KCND3: variants seen among roughly 807,000 people sequenced by gnomAD.
KCND3 encodes the protein A-type voltage-gated potassium channel KCND3.
Under a neutral mutation model 51.1 loss-of-function variants are expected in KCND3, and 9 were observed. The observed-to-expected ratio is 0.18, with a 90% CI of 0.11 to 0.31. The LOEUF (loss-of-function observed/expected upper bound fraction) is 0.31. Ranked by LOEUF, KCND3 falls within the 10% of genes least tolerant of loss-of-function variation. The pLI is 1.00. For synonymous variants in KCND3, 349 were observed against 368.0 expected, an observed-to-expected ratio of 0.95 and a Z score of 0.59; for missense variants, 526 against 903.8, an observed-to-expected ratio of 0.58 and a Z score of 5.36.
intron 2 of KCND3, among the ~76,000 whole-genome samples, chr1:111,798,041 T>C (rs988999578): frequency 6.6e-6 from 1 of 152,182 alleles, no homozygotes; most frequent in South Asian, 2.1e-4. Context: ...TAGGTACTTA[T>C]TGTACCTATT....
chr1:111,810,572 T>C (rs534654384), intron 2 of KCND3, among the ~76,000 whole-genome samples: 2 of 152,332 alleles, frequency 1.3e-5, no homozygotes, highest in African/African-American at 4.8e-5. Context: ...TGAGAATCTA[T>C]AGCCAATTAG....
At chr1:111,923,298 C>A (rs938693117) in intron 2 of KCND3, among the ~76,000 whole-genome samples, 4 of 152,144 alleles carry the variant, frequency 2.6e-5, no homozygotes, top group Non-Finnish European at 2.9e-5. Context: ...TCAGACACGA[C>A]CAGAGGTGGT....
chr1:111,863,947 G>C (rs1224485213), intron 2 of KCND3, among the ~76,000 whole-genome samples: 1 of 152,116 alleles, frequency 6.6e-6, no homozygotes, highest in Non-Finnish European at 1.5e-5. Flanking sequence ...GGCTAGACTT[G>C]ATGATGATTG....
intron 2 of KCND3, among the ~76,000 whole-genome samples, chr1:111,849,478 C>A (rs1389289577): frequency 6.6e-6 from 1 of 152,248 alleles, no homozygotes; most frequent in Non-Finnish European, 1.5e-5. Flanking sequence ...GAAAGGAACA[C>A]CTGTGGCTTC....
chr1:111,961,978 A>G (rs936593686), intron 2 of KCND3, among the ~76,000 whole-genome samples: 4 of 152,086 alleles, frequency 2.6e-5, no homozygotes, highest in Non-Finnish European at 4.4e-5. Context: ...CTGGCACGCC[A>G]TCTGGTATTC....
intron 2 of KCND3, among the ~76,000 whole-genome samples, chr1:111,916,291 T>C (rs1430270422): frequency 6.6e-6 from 1 of 152,132 alleles, no homozygotes; most frequent in Non-Finnish European, 1.5e-5. Flanking sequence ...CCTCAAATAT[T>C]AGAAGATTAA....
At chr1:111,814,488 G>T (rs142024793) in intron 2 of KCND3, among the ~76,000 whole-genome samples, 4 of 152,344 alleles carry the variant, frequency 2.6e-5, no homozygotes, top group Non-Finnish European at 5.9e-5. Flanking sequence ...GAACTGTGTC[G>T]ACATAACTTA....
Position 111,850,505 on chromosome 1 carries a change from T to G in KCND3, c.1107-63399A>C, listed in dbSNP as rs968079255. ...TTTCCTTGTGAACAATATAGGGATA[T>G]TTGATGAAGGGGTCTCATCACAATC... is the stretch of plus-strand genomic sequence containing the variant. On this transcript the variant is annotated intron_variant, in intron 2 of 7. Coordinates refer to ENST00000302127, the MANE Select transcript of KCND3 (RefSeq NM_001378969.1). 3.9e-5 allele frequency among the ~76,000 whole-genome samples: 6 copies of G among 152,168 alleles called. No homozygotes were observed. The East Asian group carries it at 5.8e-4, about 15-fold the overall frequency.
intron 2 of KCND3, among the ~76,000 whole-genome samples, chr1:111,844,517 C>T (rs1667464780): frequency 6.6e-6 from 1 of 152,124 alleles, no homozygotes; most frequent in Non-Finnish European, 1.5e-5. Flanking sequence ...GCCCCAGGAT[C>T]CACGGGGACC....
At chr1:111,902,753 T>C (rs892520588) in intron 2 of KCND3, among the ~76,000 whole-genome samples, 6 of 152,182 alleles carry the variant, frequency 3.9e-5, no homozygotes, top group African/African-American at 1.4e-4. Flanking sequence ...AATATCTACC[T>C]TGAGGTTGTT....
chr1:111,977,349 C>T (rs989190233), intron 2 of KCND3, among the ~76,000 whole-genome samples: 2 of 152,210 alleles, frequency 1.3e-5, no homozygotes, highest in African/African-American at 4.8e-5. Context: ...TTAGTCTCCT[C>T]GCCTCTTCGA....
intron 2 of KCND3, among the ~76,000 whole-genome samples, chr1:111,930,834 C>T (rs149683661): frequency 2.6e-5 from 4 of 152,318 alleles, no homozygotes; most frequent in African/African-American, 9.6e-5. Flanking sequence ...CCGTGACATG[C>T]TGGAAATGCC....
chr1:111,947,530 T>C (rs1432955179), intron 2 of KCND3, among the ~76,000 whole-genome samples: 1 of 152,246 alleles, frequency 6.6e-6, no homozygotes, highest in Non-Finnish European at 1.5e-5. Flanking sequence ...AGAGGTTAAA[T>C]TACTTGCCCT....
chr1:111,866,623 C>CACACAT (rs55673293), intron 2 of KCND3, among the ~76,000 whole-genome samples: 1 of 150,668 alleles, frequency 6.6e-6, no homozygotes, highest in Non-Finnish European at 1.5e-5. Context: ...CACACACACA[C>CACACAT]GGCTGAGAAG....
chr1:111,912,699 A>T (rs1017327449), intron 2 of KCND3, among the ~76,000 whole-genome samples: 5 of 152,196 alleles, frequency 3.3e-5, no homozygotes, highest in African/African-American at 1.2e-4. Context: ...GCCTAGGCTA[A>T]TGTGTGTGTT....
intron 2 of KCND3, among the ~76,000 whole-genome samples, chr1:111,958,227 C>A (rs1673436228): frequency 6.6e-6 from 1 of 152,144 alleles, no homozygotes; most frequent in Non-Finnish European, 1.5e-5. Context: ...GGATCCTAAT[C>A]CAACTCATGT....
At chr1:111,914,813 T>A (rs983444154) in intron 2 of KCND3, among the ~76,000 whole-genome samples, 1 of 152,166 alleles carries the variant, frequency 6.6e-6, no homozygotes, top group Non-Finnish European at 1.5e-5. Flanking sequence ...TAAATCTGGA[T>A]CTACACAAAG....
chr1:111,812,978 G>A (rs1665924956), intron 2 of KCND3, among the ~76,000 whole-genome samples: 1 of 152,162 alleles, frequency 6.6e-6, no homozygotes, highest in Non-Finnish European at 1.5e-5. Context: ...GGCAGGAGCA[G>A]CCAGTTCAGG....
intron 3 of KCND3, among the ~76,000 whole-genome samples, chr1:111,785,951 C>A (rs543560376): frequency 3.9e-4 from 59 of 152,198 alleles, no homozygotes; most frequent in African/African-American, 1.4e-3. Flanking sequence ...GGAGACAAAA[C>A]CCCAAGCCTC....
Sources: gnomAD v4.1 joint callset for allele counts (sites outside exome capture counted in the v4.1 genomes callset) on GRCh38, gnomAD v4.1.1 for gene constraint, MANE v1.5 for transcripts, NCBI Gene and HGNC (gene_info 2026-07-23, HGNC 2026-07-21) for gene names.